SNX15: variants seen among roughly 807,000 people sequenced by gnomAD.
The protein encoded by SNX15 is sorting nexin 15.
SNX15 carries 29 observed loss-of-function variants against 35.2 expected under a neutral mutation model. The observed-to-expected ratio is 0.82, with a 90% CI of 0.61 to 1.12. The LOEUF (loss-of-function observed/expected upper bound fraction) is 1.12. SNX15 is among the 50% of genes most tolerant of loss of function. The pLI, the probability that SNX15 is intolerant of heterozygous loss-of-function variation, is 0.00. For missense variants in SNX15, 400 were observed against 451.5 expected, an observed-to-expected ratio of 0.89 and a Z score of 1.03; for synonymous variants, 189 against 188.2, an observed-to-expected ratio of 1.00 and a Z score of -0.03.
chr11:65,032,167 G>A lies in SNX15; in HGVS notation c.100-1G>A. On this transcript the variant is annotated splice_acceptor_variant, in intron 1 of 7. Coordinates refer to ENST00000377244, the MANE Select transcript of SNX15 (RefSeq NM_013306.5). LOFTEE classifies it high-confidence loss of function. ...AACCAGCTCTTGCCTTTCTTTCTCA[G>A]TTCATCTCAAAGAAGGACCCAGAGG... is the stretch of plus-strand genomic sequence containing the variant. 2 of 1,614,164 alleles carry A rather than the reference G, an allele frequency of 1.2e-6. No homozygotes were observed. The highest frequency in any genetic ancestry group is 1.7e-6 in the Non-Finnish European group (2 of 1,179,990).
chr11:65,034,905 C>T lies in SNX15; in HGVS notation c.315C>T (p.Arg105=), dbSNP rs767242668. The stretch of plus-strand genomic sequence containing the variant: ...GAAAGGGGGCAGAGGACCTGCTTCG[C>T]TTCACTGTGCACATACCTGCGCTCA... ...ERRKGAEDLL[R]FTVHIPALNN... The change falls in exon 4 of 8, where the codon CGC becomes CGT. Residue 105 remains arginine, a synonymous_variant. Transcript: ENST00000377244. 1 of 1,614,070 alleles carries T rather than the reference C, an allele frequency of 6.2e-7. No individual in the cohort carries two copies. Among genetic ancestry groups the T allele is most frequent in the Non-Finnish European group, 8.5e-7 (1 of 1,179,964 alleles).
In SNX15 at chr11:65,039,539, T is replaced by C. The variant is rs1001296983; in HGVS notation, c.923-147T>C. The C allele has an allele frequency of 5.3e-5, 31 of 585,968 alleles. No homozygotes were observed. The African/African-American group carries it at 5.6e-4, about 11-fold the overall frequency. The allele number at this position is 585,968 out of a possible 1,614,324, so 36.3% of individuals were successfully genotyped here. A position where few individuals can be genotyped will look rare whatever the true frequency, so the allele number is the denominator to read the frequency against. On this transcript the variant is annotated intron_variant, in intron 7 of 7. Transcript: ENST00000377244. ...GCCCAGCATGGCCTCAGTTTTCTTA[T>C]TTGTAGACTGAGGAGAATGGATGCT... is the stretch of plus-strand genomic sequence containing the variant.
chr11:65,039,664 G>A (rs2670910), intron 7 of SNX15, 22 bp from the exon 8 acceptor site: 147,801 of 1,578,094 alleles, frequency 0.094, 8,463 homozygotes, highest in South Asian at 0.21. Context: ...AGGTGCCTCA[G>A]CTGAGCATTC....
intron 5 of SNX15, 93 bp from the exon 6 acceptor site, chr11:65,035,427 T>C (rs1018519483): frequency 2.1e-5 from 29 of 1,390,404 alleles, no homozygotes; most frequent in Non-Finnish European, 2.6e-5. Context: ...TCTATGCCCA[T>C]GGTTGCTGCA....
chr11:65,032,405 C>G (rs1179096950), intron 2 of SNX15, 26 bp from the exon 3 acceptor site: 4 of 1,614,056 alleles, frequency 2.5e-6, no homozygotes, highest in Non-Finnish European at 3.4e-6. Context: ...ATTGCTGGTT[C>G]TGGGCAAGTC....
chr11:65,032,081 G>T (rs1946445660), intron 1 of SNX15, 87 bp from the exon 2 acceptor site: 3 of 1,331,300 alleles, frequency 2.3e-6, no homozygotes, highest in East Asian at 4.6e-5. Context: ...CCGTGAGGGG[G>T]ACTAGGAGGC....
Position 65,040,491 on chromosome 11 carries a change from CAAT to C in SNX15, c.*700_*702del, listed in dbSNP as rs1241886779. 3.5e-4 allele frequency: 54 copies of C among 152,142 alleles called. No individual in the cohort carries two copies. The highest frequency in any genetic ancestry group is 1.2e-3 in the African/African-American group (51 of 41,480). The allele number at this position is 152,142 out of a possible 1,614,324, so 9.4% of individuals were successfully genotyped here. A position where few individuals can be genotyped will look rare whatever the true frequency, so the allele number is the denominator to read the frequency against. On this transcript the variant is annotated 3_prime_UTR_variant, in exon 8 of 8. Transcript: ENST00000377244. The stretch of plus-strand genomic sequence containing the variant: ...AAAAAATCAAAATAATATTCTGTGA[CAAT>C]GACAGGTGAAATTTATATGTGACAA...
At chr11:65,034,781 G>A in intron 3 of SNX15, 66 bp from the exon 4 acceptor site, 1 of 1,243,800 alleles carries the variant, frequency 8.0e-7, no homozygotes, top group South Asian at 1.3e-5. Flanking sequence ...AGGAAAAGTG[G>A]CCTTGGGGCA....
At position 65,040,249 on chromosome 11, in the gene SNX15, C is replaced by G. The variant is rs566717414; in HGVS notation, c.*457C>G. On this transcript the variant is annotated 3_prime_UTR_variant, in exon 8 of 8. Transcript: ENST00000377244. ...AACTCCTGACCTCAAGTGATCCACC[C>G]GCCTCAGTCTCCCAAAGTGCTGAGA... is the stretch of plus-strand genomic sequence containing the variant. 6.3e-6 allele frequency: 1 copy of G among 159,428 alleles called. No individual in the cohort carries two copies. The highest frequency in any genetic ancestry group is 2.4e-5 in the African/African-American group (1 of 41,716). 9.9% of individuals were successfully genotyped at this position (159,428 alleles called of 1,614,324 possible).
intron 5 of SNX15, 88 bp from the exon 6 acceptor site, chr11:65,035,432 G>C: frequency 7.0e-7 from 1 of 1,426,516 alleles, no homozygotes; most frequent in Non-Finnish European, 9.5e-7. Context: ...GCCCATGGTT[G>C]CTGCAAGGGT....
At chr11:65,030,363 T>A (rs1002612505) in intron 1 of SNX15, among the ~76,000 whole-genome samples, 18 of 145,402 alleles carry the variant, frequency 1.2e-4, no homozygotes, top group Non-Finnish European at 2.1e-4. Context: ...CAAAAAAAAA[T>A]TTTTTTTTTT....
chr11:65,035,775 C>T, intron 6 of SNX15, 112 bp downstream of exon 6: 2 of 1,190,068 alleles, frequency 1.7e-6, no homozygotes, highest in East Asian at 2.5e-5. Flanking sequence ...GGAGAGACGT[C>T]TCCTCAGCAG....
chr11:65,033,899 G>A (rs940759856), intron 3 of SNX15, among the ~76,000 whole-genome samples: 1 of 151,774 alleles, frequency 6.6e-6, no homozygotes, highest in Non-Finnish European at 1.5e-5. Flanking sequence ...GTAGAGACAG[G>A]GTTTCACCAT....
chr11:65,034,839 G>A lies in SNX15; in HGVS notation c.257-8G>A. ...ACTCTCCCCTGTTCCTTGTCCTGGGGGCCGTAGGCCGGTTTGAAGCCTCAG... is the reference window on the plus strand; with the variant it reads ...ACTCTCCCCTGTTCCTTGTCCTGGGAGCCGTAGGCCGGTTTGAAGCCTCAG... On this transcript the variant is annotated splice_polypyrimidine_tract_variant and splice_region_variant and intron_variant, in intron 3 of 7. Transcript: ENST00000377244. 3 of 1,611,628 alleles carry A rather than the reference G, an allele frequency of 1.9e-6. No homozygotes were observed. The highest frequency in any genetic ancestry group is 2.5e-6 in the Non-Finnish European group (3 of 1,178,054).
chr11:65,038,457 C>G (rs1162441041), intron 6 of SNX15, 115 bp from the exon 7 acceptor site: 1 of 1,343,628 alleles, frequency 7.4e-7, no homozygotes, highest in East Asian at 2.6e-5. Flanking sequence ...TGGCATTGGT[C>G]CCCTCTACTG....
chr11:65,035,005 C>G (rs766391135), intron 4 of SNX15, 43 bp downstream of exon 4: 1 of 1,613,450 alleles, frequency 6.2e-7, no homozygotes, highest in Non-Finnish European at 8.5e-7. Context: ...GCCACTTACC[C>G]ACCCACCAGA....
intron 7 of SNX15, among the ~76,000 whole-genome samples, 200 bp downstream of exon 7, chr11:65,039,029 CTTTTTTT>C (rs747153458): frequency 1.4e-5 from 1 of 72,528 alleles, no homozygotes; most frequent in African/African-American, 4.6e-5. Flanking sequence ...TCTTCTTCCT[CTTTTTTT>C]TTTTTTTTTT....
chr11:65,032,350 C>A lies in SNX15; in HGVS notation c.136-81C>A, dbSNP rs201904088. 276 of 1,605,612 alleles carry A rather than the reference C, an allele frequency of 1.7e-4. 3 individuals carry two copies. In the East Asian group the frequency reaches 6.1e-3, roughly 36 times the overall value. On this transcript the variant is annotated intron_variant, in intron 2 of 7. Coordinates refer to ENST00000377244, the MANE Select transcript of SNX15 (RefSeq NM_013306.5). Reference sequence around the variant, plus strand: ...TGCTGCAGCTGCTTCCTGATCCTCACGCCCCCTGGGGGCAGGCTAGGCATG... The same window carrying A: ...TGCTGCAGCTGCTTCCTGATCCTCAAGCCCCCTGGGGGCAGGCTAGGCATG...
At chr11:65,029,279 C>T (rs1409355216) in intron 1 of SNX15, among the ~76,000 whole-genome samples, 1 of 151,170 alleles carries the variant, frequency 6.6e-6, no homozygotes, top group East Asian at 1.9e-4. Context: ...ACCTCAACCT[C>T]CCAGGTAGCT....
Sources: gnomAD v4.1 joint callset for allele counts (sites outside exome capture counted in the v4.1 genomes callset) on GRCh38, gnomAD v4.1.1 for gene constraint, MANE v1.5 for transcripts, NCBI Gene and HGNC (gene_info 2026-07-23, HGNC 2026-07-21) for gene names.